Variants in PTGS1 observed in about 807,000 individuals in gnomAD.
The protein encoded by PTGS1 is prostaglandin-endoperoxide synthase 1.
Under a neutral mutation model 63.0 loss-of-function variants are expected in PTGS1, and 40 were observed. The ratio of observed to expected loss-of-function variants is 0.63; its 90% CI spans 0.49 to 0.83. The LOEUF (loss-of-function observed/expected upper bound fraction) is 0.83. PTGS1 is among the 40% of genes least tolerant of loss of function. The pLI, the probability that PTGS1 is intolerant of heterozygous loss-of-function variation, is 0.00. For synonymous variants in PTGS1, 298 were observed against 301.9 expected, an observed-to-expected ratio of 0.99 and a Z score of 0.13; for missense variants, 709 against 786.5, an observed-to-expected ratio of 0.90 and a Z score of 1.18.
Position 122,394,380 on chromosome 9 carries a change from A to G in PTGS1, c.*1836A>G, listed in dbSNP as rs1838459265. On this transcript the variant is annotated 3_prime_UTR_variant, in exon 11 of 11. Transcript: ENST00000362012. ...TTAAGTCTCCTGTCTTATGGTCCAGAAACTCCTGTTTCTCCTTAGTTGGCT... is the reference window on the plus strand; with the variant it reads ...TTAAGTCTCCTGTCTTATGGTCCAGGAACTCCTGTTTCTCCTTAGTTGGCT... The G allele has an allele frequency of 6.6e-6, 1 of 152,140 alleles. No individual in the cohort carries two copies. Among genetic ancestry groups the G allele is most frequent in the Non-Finnish European group, 1.5e-5 (1 of 68,022 alleles). The allele number at this position is 152,140 out of a possible 1,614,324, so 9.4% of individuals were successfully genotyped here.
intron 5 of PTGS1, among the ~76,000 whole-genome samples, chr9:122,379,566 C>CT (rs146003278): frequency 6.6e-6 from 1 of 152,192 alleles, no homozygotes; most frequent in Non-Finnish European, 1.5e-5. Context: ...TGGTTATGTG[C>CT]TTTTTTGGGT....
intron 10 of PTGS1, 91 bp downstream of exon 10, chr9:122,390,436 A>C (rs1838149029): frequency 7.2e-7 from 1 of 1,394,226 alleles, no homozygotes; most frequent in Non-Finnish European, 9.8e-7. Context: ...GGGACAATAC[A>C]TGCGGCAATG....
chr9:122,375,910 C>T (rs1837118325), intron 2 of PTGS1, among the ~76,000 whole-genome samples: 1 of 152,082 alleles, frequency 6.6e-6, no homozygotes, highest in African/African-American at 2.4e-5. Context: ...CCCCTGTGCC[C>T]TTAGAGTGGT....
At chr9:122,385,025 T>C (rs1837791538) in intron 8 of PTGS1, among the ~76,000 whole-genome samples, 1 of 152,200 alleles carries the variant, frequency 6.6e-6, no homozygotes, top group Non-Finnish European at 1.5e-5. Flanking sequence ...TGGCGTGATC[T>C]TGGCTCACTG....
At chr9:122,382,760 T>A (rs1371063932) in intron 7 of PTGS1, among the ~76,000 whole-genome samples, 2 of 152,216 alleles carry the variant, frequency 1.3e-5, no homozygotes, top group African/African-American at 2.4e-5. Context: ...TCTCTTGGCA[T>A]GTATTTACTG....
At chr9:122,377,444 C>T (rs963817970) in intron 2 of PTGS1, among the ~76,000 whole-genome samples, 2 of 152,096 alleles carry the variant, frequency 1.3e-5, no homozygotes. Context: ...AGTCCCCGTC[C>T]TCGTCCTCGT....
chr9:122,382,214 A>C (rs1025439252), intron 7 of PTGS1, among the ~76,000 whole-genome samples: 2 of 152,240 alleles, frequency 1.3e-5, no homozygotes, highest in African/African-American at 4.8e-5. Context: ...AAATTTTCTA[A>C]TGTCCATATT....
intron 2 of PTGS1, among the ~76,000 whole-genome samples, chr9:122,373,579 A>G (rs1303138385): frequency 6.6e-6 from 1 of 152,204 alleles, no homozygotes; most frequent in African/African-American, 2.4e-5. Context: ...CCCATCTTCT[A>G]GATGGGGATA....
chr9:122,370,972 C>T, upstream of PTGS1: 5 of 1,139,102 alleles, frequency 4.4e-6, no homozygotes, highest in South Asian at 2.7e-5. Flanking sequence ...GAGGGAGGAG[C>T]GGGGGTGGAG....
intron 2 of PTGS1, among the ~76,000 whole-genome samples, chr9:122,377,666 G>A (rs1446587611): frequency 6.6e-6 from 1 of 152,200 alleles, no homozygotes; most frequent in Non-Finnish European, 1.5e-5. Context: ...CCTGATGTGG[G>A]CTAGGCTGGA....
chr9:122,379,537 C>A (rs1837389563), intron 5 of PTGS1, among the ~76,000 whole-genome samples: 1 of 152,222 alleles, frequency 6.6e-6, no homozygotes, highest in Non-Finnish European at 1.5e-5. Context: ...CTGTTGAATG[C>A]CAGTCCTGTG....
At chr9:122,379,686 C>T (rs1180106764) in intron 5 of PTGS1, among the ~76,000 whole-genome samples, 1 of 152,230 alleles carries the variant, frequency 6.6e-6, no homozygotes, top group Non-Finnish European at 1.5e-5. Context: ...ACCAGGATAG[C>T]TGAGTCTTGC....
rs1261502092 is a variant in PTGS1 at position 122,390,236 on chromosome 9, T to A, written c.1335T>A (p.His445Gln). The change falls in exon 10 of 11, where the codon CAT becomes CAA. Residue 445 changes from histidine to glutamine, a missense_variant. Transcript: ENST00000362012. Reference protein sequence around the residue: ...GGRNMDHHILHVAVDVIRESR... With the variant: ...GGRNMDHHILQVAVDVIRESR... ...GGAACATGGACCACCACATCCTGCA[T>A]GTGGCTGTGGATGTCATCAGGGAGT... 3.1e-6 allele frequency: 5 copies of A among 1,614,086 alleles called. No homozygotes were observed. The highest frequency in any genetic ancestry group is 3.3e-4 in the Middle Eastern group (2 of 6,060).
In PTGS1 at chr9:122,378,671, T is replaced by C. The variant is rs1837332943; in HGVS notation, c.352+98T>C. ...TGATAAGGGTAGTGGGTGGGGAGAGTCTATGATGCCTGATAAAATAAGCCC... is the reference window on the plus strand; with the variant it reads ...TGATAAGGGTAGTGGGTGGGGAGAGCCTATGATGCCTGATAAAATAAGCCC... On this transcript the variant is annotated intron_variant, in intron 4 of 10. Transcript: ENST00000362012. 3.1e-6 allele frequency: 5 copies of C among 1,601,716 alleles called. No homozygotes were observed. In the South Asian group the frequency reaches 3.3e-5, roughly 11 times the overall value.
chr9:122,389,499 G>C (rs1168048431), intron 9 of PTGS1, among the ~76,000 whole-genome samples: 2 of 152,190 alleles, frequency 1.3e-5, no homozygotes, highest in East Asian at 3.8e-4. Context: ...TTAGTAATCA[G>C]AATCTTTTTC....
chr9:122,386,945 T>C (rs1308973011), intron 9 of PTGS1, among the ~76,000 whole-genome samples: 1 of 152,120 alleles, frequency 6.6e-6, no homozygotes, highest in Non-Finnish European at 1.5e-5. Context: ...AACAAGACTT[T>C]TGTGGTTCTT....
chr9:122,376,589 C>T (rs1404901424), intron 2 of PTGS1, among the ~76,000 whole-genome samples: 1 of 152,192 alleles, frequency 6.6e-6, no homozygotes, highest in African/African-American at 2.4e-5. Flanking sequence ...TGGCCTTTCA[C>T]TACCCTTTTG....
intron 2 of PTGS1, among the ~76,000 whole-genome samples, chr9:122,377,485 C>T (rs890433756): frequency 4.0e-5 from 6 of 151,426 alleles, no homozygotes; most frequent in African/African-American, 1.5e-4. Flanking sequence ...CACCCCCCGC[C>T]CCGGCCTGCT....
intron 2 of PTGS1, among the ~76,000 whole-genome samples, chr9:122,374,695 C>T (rs1017109381): frequency 6.6e-6 from 1 of 152,120 alleles, no homozygotes; most frequent in Non-Finnish European, 1.5e-5. Context: ...AGATGGTGAT[C>T]CCCCTGGGGT....
Sources: allele counts gnomAD v4.1 joint callset (sites outside exome capture counted in the v4.1 genomes callset), GRCh38; gene constraint gnomAD v4.1.1; transcripts MANE v1.5; gene names NCBI Gene and HGNC (gene_info 2026-07-23, HGNC 2026-07-21).